Variants in SNRK observed in about 807,000 individuals in gnomAD.
The protein encoded by SNRK is SNF related kinase, also known as SNF-related serine/threonine-protein kinase.
In SNRK, 3 loss-of-function variants were observed where a neutral mutation model predicts 48.2. That is an observed-to-expected ratio of 0.06 (90% CI 0.03 to 0.16). The LOEUF (loss-of-function observed/expected upper bound fraction) is 0.16, where lower values mean the gene tolerates loss of function less well. SNRK is among the 10% of genes least tolerant of loss of function. The probability of loss-of-function intolerance (pLI) is 1.00; values close to 1 mark genes in which losing one functional copy is unlikely to be tolerated. For synonymous variants in SNRK, 376 were observed against 366.1 expected (o/e 1.03, Z -0.31); for missense variants, 627 against 976.0 (o/e 0.64, Z 4.76).
chr3:43,307,001 T>A (rs1162330783), intron 3 of SNRK, among the ~76,000 whole-genome samples: 2 of 152,222 alleles, frequency 1.3e-5, no homozygotes, highest in African/African-American at 4.8e-5. Flanking sequence ...CTTTATGTGA[T>A]TAAAATATTT....
At chr3:43,295,985 C>G in intron 1 of SNRK, among the ~76,000 whole-genome samples, 1 of 152,068 alleles carries the variant, frequency 6.6e-6, no homozygotes, top group South Asian at 2.1e-4. Context: ...GTAATCTATC[C>G]GCTTTGGCCT....
chr3:43,294,833 T>A (rs1352413984), intron 1 of SNRK, among the ~76,000 whole-genome samples: 1 of 152,184 alleles, frequency 6.6e-6, no homozygotes, highest in Non-Finnish European at 1.5e-5. Flanking sequence ...AAAGTGAGTT[T>A]TGACAGTGTT....
intron 1 of SNRK, among the ~76,000 whole-genome samples, chr3:43,291,623 C>A (rs997965532): frequency 6.6e-6 from 1 of 152,098 alleles, no homozygotes; most frequent in African/African-American, 2.4e-5. Flanking sequence ...AATAACTGTC[C>A]AAGGTGGTGA....
chr3:43,340,470 G>A lies in SNRK; in HGVS notation c.915G>A (p.Gly305=), dbSNP rs764771195. Residue 305 remains glycine, a synonymous_variant, in exon 5 of 7, where the codon GGG becomes GGA. Transcript: ENST00000296088. ...GCATCATTCAGCGCATGGTGCTTGG[G>A]GACATAGCGGATCGAGACGCCATTG... ...HNSIIQRMVL[G]DIADRDAIVE... 1 of 1,614,172 alleles carries A rather than the reference G, an allele frequency of 6.2e-7. No homozygotes were observed. The highest frequency in any genetic ancestry group is 8.5e-7 in the Non-Finnish European group (1 of 1,180,026).
At chr3:43,299,059 C>T (rs2090878862) in intron 1 of SNRK, among the ~76,000 whole-genome samples, 1 of 152,196 alleles carries the variant, frequency 6.6e-6, no homozygotes, top group Non-Finnish European at 1.5e-5. Flanking sequence ...ACTGCTGCTT[C>T]ACAGGCAAGT....
intron 3 of SNRK, among the ~76,000 whole-genome samples, chr3:43,321,530 G>T (rs1265878505): frequency 6.6e-6 from 1 of 152,058 alleles, no homozygotes; most frequent in Non-Finnish European, 1.5e-5. Context: ...GTCATTCAGG[G>T]TCTCACTCAG....
chr3:43,294,510 G>C (rs1448918496), intron 1 of SNRK, among the ~76,000 whole-genome samples: 2 of 152,110 alleles, frequency 1.3e-5, no homozygotes, highest in Admixed American at 6.5e-5. Flanking sequence ...TTAACTTGTG[G>C]TGTCTTGTTG....
At chr3:43,322,968 ACT>A (rs2091066548) in intron 3 of SNRK, among the ~76,000 whole-genome samples, 1 of 150,942 alleles carries the variant, frequency 6.6e-6, no homozygotes. Flanking sequence ...AAAAAAAAAG[ACT>A]GTATTGGCAA....
At chr3:43,312,156 G>T (rs2090983315) in intron 3 of SNRK, among the ~76,000 whole-genome samples, 1 of 152,084 alleles carries the variant, frequency 6.6e-6, no homozygotes, top group African/African-American at 2.4e-5. Context: ...TTTCAAAGAT[G>T]AAATATTCAG....
At chr3:43,291,015 A>G (rs952410571) in intron 1 of SNRK, among the ~76,000 whole-genome samples, 1 of 152,078 alleles carries the variant, frequency 6.6e-6, no homozygotes, top group Non-Finnish European at 1.5e-5. Context: ...GAGTATAGGG[A>G]GCTGTATGTG....
At chr3:43,341,679 G>A (rs2091239023) in intron 5 of SNRK, among the ~76,000 whole-genome samples, 1 of 152,146 alleles carries the variant, frequency 6.6e-6, no homozygotes. Flanking sequence ...CCATCAGGAG[G>A]GCCCTTTCAG....
chr3:43,312,907 G>T (rs1218831840), intron 3 of SNRK, among the ~76,000 whole-genome samples: 1 of 152,070 alleles, frequency 6.6e-6, no homozygotes, highest in African/African-American at 2.4e-5. Context: ...AGAAATCAAA[G>T]AAGGCGTAAA....
intron 6 of SNRK, among the ~76,000 whole-genome samples, chr3:43,344,453 A>G (rs2091259745): frequency 6.6e-6 from 1 of 151,694 alleles, no homozygotes; most frequent in Non-Finnish European, 1.5e-5. Flanking sequence ...ATTATTGTGA[A>G]TAATAATATT....
chr3:43,344,042 A>G (rs886150996), intron 6 of SNRK, among the ~76,000 whole-genome samples: 1 of 152,124 alleles, frequency 6.6e-6, no homozygotes, highest in Non-Finnish European at 1.5e-5. Context: ...TAACAATGCT[A>G]TTTACCTCAT....
At chr3:43,309,921 C>T (rs991083900) in intron 3 of SNRK, among the ~76,000 whole-genome samples, 4 of 151,900 alleles carry the variant, frequency 2.6e-5, no homozygotes, top group Non-Finnish European at 4.4e-5. Context: ...ATGTGCCCCT[C>T]GTAAAGTATT....
intron 3 of SNRK, among the ~76,000 whole-genome samples, chr3:43,318,641 C>G (rs994143800): frequency 1.4e-4 from 21 of 151,548 alleles, no homozygotes; most frequent in African/African-American, 5.1e-4. Flanking sequence ...TTAGAGCAAA[C>G]TTTCTAACAC....
At chr3:43,337,110 G>A (rs1209897004) in intron 4 of SNRK, among the ~76,000 whole-genome samples, 1 of 151,446 alleles carries the variant, frequency 6.6e-6, no homozygotes, top group Non-Finnish European at 1.5e-5. Context: ...GTCTCGATCT[G>A]TCGCCCAGGC....
At chr3:43,299,110 T>C (rs2090879244) in intron 1 of SNRK, among the ~76,000 whole-genome samples, 1 of 152,030 alleles carries the variant, frequency 6.6e-6, no homozygotes, top group African/African-American at 2.4e-5. Context: ...ATGGGGAGGA[T>C]TCAGTGAAAT....
At chr3:43,293,586 A>G (rs558599409) in intron 1 of SNRK, among the ~76,000 whole-genome samples, 132 of 152,282 alleles carry the variant, frequency 8.7e-4, no homozygotes, top group Non-Finnish European at 1.4e-3. Flanking sequence ...TTTTTAAAAT[A>G]TATACATTCA....
Sources: allele counts gnomAD v4.1 joint callset (sites outside exome capture counted in the v4.1 genomes callset), GRCh38; gene constraint gnomAD v4.1.1; transcripts MANE v1.5; gene names NCBI Gene and HGNC (gene_info 2026-07-23, HGNC 2026-07-21).